The following CSNK1G1 variants were observed in gnomAD, a reference collection of about 807,000 sequenced individuals.
The protein encoded by CSNK1G1 is casein kinase I isoform gamma-1.
Under a neutral mutation model 59.6 loss-of-function variants are expected in CSNK1G1, and 22 were observed. That is an observed-to-expected ratio of 0.37 (90% CI 0.26 to 0.53). The LOEUF is 0.53. Ranked by LOEUF, CSNK1G1 falls within the 20% of genes least tolerant of loss-of-function variation. The pLI, the probability that CSNK1G1 is intolerant of heterozygous loss-of-function variation, is 0.89. For missense variants in CSNK1G1, 384 were observed against 519.5 expected (o/e 0.74, Z 2.54); for synonymous variants, 179 against 177.1 (o/e 1.01, Z -0.08).
At position 64,277,527 on chromosome 15, in the gene CSNK1G1, A is replaced by G. The variant is rs1012469305; in HGVS notation, c.182-18286T>C. On this transcript the variant is annotated intron_variant, in intron 2 of 11. Coordinates refer to ENST00000303052, the MANE Select transcript of CSNK1G1 (RefSeq NM_022048.5). ...TACACACACTTTTACCCCTGCTACA[A>G]GTTTTCATATTGTTATTAATATTAA... is the stretch of plus-strand genomic sequence containing the variant. 1.3e-4 allele frequency among the ~76,000 whole-genome samples: 19 copies of G among 148,044 alleles called. No homozygotes were observed. The South Asian group carries it at 1.9e-3, about 15-fold the overall frequency.
intron 2 of CSNK1G1, among the ~76,000 whole-genome samples, chr15:64,278,400 GTGTGTGTGTGTGTGTGTGTATA>G (rs1428481337): frequency 3.9e-5 from 5 of 129,290 alleles, no homozygotes; most frequent in African/African-American, 1.6e-4. Context: ...GTGTGTGTGT[GTGTGTGTGTGTGTGTGTGTATA>G]TATATATATA....
At chr15:64,338,879 T>C (rs1201551876) in intron 1 of CSNK1G1, among the ~76,000 whole-genome samples, 1 of 151,684 alleles carries the variant, frequency 6.6e-6, no homozygotes, top group Non-Finnish European at 1.5e-5. Context: ...TAGCCAAGGA[T>C]GGTGCTGCAT....
chr15:64,230,474 T>A (rs1304740979), intron 4 of CSNK1G1, among the ~76,000 whole-genome samples: 2 of 152,060 alleles, frequency 1.3e-5, no homozygotes, highest in African/African-American at 2.4e-5. Context: ...AATTTTTAAT[T>A]TTTTGTTGAG....
In CSNK1G1 at chr15:64,204,839, A is replaced by C. The variant is rs112399230; in HGVS notation, c.850+26T>G. On this transcript the variant is annotated intron_variant, in intron 8 of 11. Transcript: ENST00000303052. ...CTACCTAGTTTCAAAGCTCAGTCAC[A>C]CTGGAATGTCTTTTTAGCATCCCAC... The C allele has an allele frequency of 1.1e-3, 1,580 of 1,485,236 alleles. 17 individuals carry two copies. The African/African-American group carries it at 0.019, about 18-fold the overall frequency. The allele number at this position is 1,485,236 out of a possible 1,614,324, so 92.0% of individuals were successfully genotyped here. A position where few individuals can be genotyped will look rare whatever the true frequency, so the allele number is the denominator to read the frequency against.
intron 1 of CSNK1G1, among the ~76,000 whole-genome samples, chr15:64,333,063 C>G (rs529850344): frequency 1.3e-5 from 2 of 151,588 alleles, no homozygotes; most frequent in Non-Finnish European, 2.9e-5. Context: ...TCAAGACCAG[C>G]CTAGCCAACA....
chr15:64,181,843 G>A (rs1036206863), intron 10 of CSNK1G1: 4 of 160,004 alleles, frequency 2.5e-5, no homozygotes, highest in Admixed American at 5.9e-5. Context: ...TTCTCTCTCC[G>A]TAACTGTTTA....
rs12101543 is a variant in CSNK1G1 at position 64,217,209 on chromosome 15, G to A, written c.293-496C>T. On this transcript the variant is annotated intron_variant, in intron 4 of 11. Coordinates refer to ENST00000303052, the MANE Select transcript of CSNK1G1 (RefSeq NM_022048.5). ...CTGAAGAGGCAAGGTCACAGAGCGT[G>A]CAGCCTGGCCCCAGGCCAGCACAAC... 3.8e-3 allele frequency among the ~76,000 whole-genome samples: 574 copies of A among 152,364 alleles called. 5 individuals are homozygous for A. The highest frequency in any genetic ancestry group is 0.013 in the African/African-American group (552 of 41,588).
At chr15:64,219,838 A>T (rs1472472139) in intron 4 of CSNK1G1, among the ~76,000 whole-genome samples, 2 of 142,878 alleles carry the variant, frequency 1.4e-5, no homozygotes, top group South Asian at 4.3e-4. Context: ...CAGTGGCACG[A>T]TCTCAGCTCA....
intron 4 of CSNK1G1, among the ~76,000 whole-genome samples, chr15:64,222,495 A>C (rs2082403842): frequency 6.6e-6 from 1 of 151,308 alleles, no homozygotes; most frequent in Non-Finnish European, 1.5e-5. Flanking sequence ...TTCAAAATCC[A>C]AATTCTTATG....
At position 64,168,305 on chromosome 15, in the gene CSNK1G1, C is replaced by G. The variant is rs1310775032; in HGVS notation, c.*3626G>C. The G allele has an allele frequency of 6.6e-6, 1 of 152,658 alleles. No individual in the cohort carries two copies. The allele number at this position is 152,658 out of a possible 1,614,324, so 9.5% of individuals were successfully genotyped here. ...TAATTAAGGCAGTCATGAGTGCACA[C>G]TGGCTGTCAGGATACTCTATCCACC... On this transcript the variant is annotated 3_prime_UTR_variant, in exon 12 of 12. Coordinates refer to ENST00000303052, the MANE Select transcript of CSNK1G1 (RefSeq NM_022048.5).
chr15:64,181,611 A>C, intron 10 of CSNK1G1: 1 of 590,992 alleles, frequency 1.7e-6, no homozygotes, highest in Middle Eastern at 4.7e-4. Flanking sequence ...ATAGTGTAGA[A>C]ATTGCCCTAA....
At chr15:64,240,673 T>C (rs952302796) in intron 4 of CSNK1G1, among the ~76,000 whole-genome samples, 2 of 152,010 alleles carry the variant, frequency 1.3e-5, no homozygotes, top group Admixed American at 6.6e-5. Context: ...CCAAAAATAC[T>C]ACATATAGCA....
At position 64,167,336 on chromosome 15, in the gene CSNK1G1, AAAC is replaced by A. The variant is rs906663534; in HGVS notation, c.*4592_*4594del. 4 of 152,238 alleles carry A rather than the reference AAAC, an allele frequency of 2.6e-5. No homozygotes were observed. The highest frequency in any genetic ancestry group is 9.7e-5 in the African/African-American group (4 of 41,434). 9.4% of individuals were successfully genotyped at this position (152,238 alleles called of 1,614,324 possible). The stretch of plus-strand genomic sequence containing the variant: ...CACCAAAAAACAAACTGAAAACCAA[AAAC>A]AACAACAAAAAAACAAAACCCAAAG... On this transcript the variant is annotated 3_prime_UTR_variant, in exon 12 of 12. Coordinates refer to ENST00000303052, the MANE Select transcript of CSNK1G1 (RefSeq NM_022048.5).
chr15:64,222,716 T>A (rs145224026), intron 4 of CSNK1G1, among the ~76,000 whole-genome samples: 378 of 150,712 alleles, frequency 2.5e-3, no homozygotes, highest in Non-Finnish European at 4.8e-3. Context: ...TGACTTCACC[T>A]CCTACCTACT....
At chr15:64,228,626 C>T (rs1320939141) in intron 4 of CSNK1G1, among the ~76,000 whole-genome samples, 1 of 152,084 alleles carries the variant, frequency 6.6e-6, no homozygotes, top group Non-Finnish European at 1.5e-5. Flanking sequence ...CACAGCAAGA[C>T]TCCGTCTCAA....
At chr15:64,275,379 A>G (rs1395065500) in intron 2 of CSNK1G1, among the ~76,000 whole-genome samples, 1 of 152,184 alleles carries the variant, frequency 6.6e-6, no homozygotes, top group African/African-American at 2.4e-5. Flanking sequence ...GGGTAAGAAG[A>G]TAACGATAGC....
intron 4 of CSNK1G1, among the ~76,000 whole-genome samples, chr15:64,249,347 C>T (rs1400049181): frequency 6.6e-6 from 1 of 152,158 alleles, no homozygotes; most frequent in Non-Finnish European, 1.5e-5. Context: ...AACTAAAGCA[C>T]TTCCTATCTT....
intron 3 of CSNK1G1, among the ~76,000 whole-genome samples, chr15:64,257,373 T>C (rs983600908): frequency 6.6e-6 from 1 of 152,128 alleles, no homozygotes; most frequent in Non-Finnish European, 1.5e-5. Context: ...TTAAAGTGTT[T>C]TAGGAAGTGC....
At chr15:64,189,379 A>G in intron 10 of CSNK1G1, 1 of 1,266,968 alleles carries the variant, frequency 7.9e-7, no homozygotes, top group Non-Finnish European at 1.0e-6. Context: ...TCTTGCTCAT[A>G]TGTGACTTTT....
Sources: gnomAD v4.1 joint callset for allele counts (sites outside exome capture counted in the v4.1 genomes callset) on GRCh38, gnomAD v4.1.1 for gene constraint, MANE v1.5 for transcripts, NCBI Gene and HGNC (gene_info 2026-07-23, HGNC 2026-07-21) for gene names.